CAPN14: variants seen among roughly 807,000 people sequenced by gnomAD.
CAPN14 encodes the protein calpain-14.
CAPN14 carries 94 observed loss-of-function variants against 101.3 expected under a neutral mutation model. The ratio of observed to expected loss-of-function variants is 0.93; its 90% CI spans 0.79 to 1.10. The LOEUF is 1.10. Among genes scored for constraint, CAPN14 ranks in the 50% least tolerant of loss-of-function variants. The pLI, the probability that CAPN14 is intolerant of heterozygous loss-of-function variation, is 0.00. For missense variants in CAPN14, 837 were observed against 828.4 expected (o/e 1.01, Z -0.13); for synonymous variants, 338 against 317.9 (o/e 1.06, Z -0.67).
At chr2:31,189,517 G>A in intron 12 of CAPN14, 39 bp from the exon 13 acceptor site, 1 of 1,509,008 alleles carries the variant, frequency 6.6e-7, no homozygotes, top group Non-Finnish European at 9.0e-7. Flanking sequence ...GGGAGGTGAT[G>A]ACCCAGGGCT....
At chr2:31,208,757 G>C (rs1284296552) in intron 1 of CAPN14, among the ~76,000 whole-genome samples, 1 of 152,172 alleles carries the variant, frequency 6.6e-6, no homozygotes, top group Admixed American at 6.5e-5. Context: ...GATGGGTCTA[G>C]GTCACATTTG....
At chr2:31,193,395 C>A (rs1681308098) in intron 9 of CAPN14, 101 bp from the exon 10 acceptor site, 3 of 1,169,740 alleles carry the variant, frequency 2.6e-6, no homozygotes, top group African/African-American at 3.1e-5. Context: ...CATCCCAGCC[C>A]TCTCATGGAC....
At chr2:31,204,837 A>C (rs1681987370) in intron 2 of CAPN14, among the ~76,000 whole-genome samples, 1 of 152,178 alleles carries the variant, frequency 6.6e-6, no homozygotes, top group South Asian at 2.1e-4. Flanking sequence ...CAAATTAATC[A>C]AACCCAAGGA....
intron 2 of CAPN14, among the ~76,000 whole-genome samples, chr2:31,203,428 G>A (rs1368348443): frequency 6.6e-6 from 1 of 152,074 alleles, no homozygotes; most frequent in Non-Finnish European, 1.5e-5. Context: ...ATTAAAAATG[G>A]AAACACTTTT....
intron 21 of CAPN14, among the ~76,000 whole-genome samples, chr2:31,175,737 A>T (rs564346233): frequency 1.3e-5 from 2 of 152,228 alleles, no homozygotes; most frequent in Non-Finnish European, 2.9e-5. Flanking sequence ...AAGCAATTCC[A>T]TAAAATGGAC....
chr2:31,191,246 C>G (rs561283571), intron 12 of CAPN14, among the ~76,000 whole-genome samples, 153 bp downstream of exon 12: 2 of 152,186 alleles, frequency 1.3e-5, no homozygotes, highest in East Asian at 3.9e-4. Flanking sequence ...CTTTCATATA[C>G]ACACAGGCAG....
chr2:31,193,341 C>T, intron 9 of CAPN14, 47 bp from the exon 10 acceptor site: 2 of 1,534,592 alleles, frequency 1.3e-6, no homozygotes, highest in South Asian at 2.4e-5. Context: ...CCAGATAACG[C>T]CTAGTTATCA....
intron 1 of CAPN14, among the ~76,000 whole-genome samples, chr2:31,214,708 C>CA (rs909388146): frequency 3.9e-5 from 6 of 152,130 alleles, no homozygotes; most frequent in Non-Finnish European, 7.4e-5. Context: ...TGCATAGTCA[C>CA]AAATCTTTGC....
In CAPN14 at chr2:31,197,240, A is replaced by C. The variant is rs1681511754; in HGVS notation, c.875+9T>G. 1 of 1,547,130 alleles carries C rather than the reference A, an allele frequency of 6.5e-7. No individual in the cohort carries two copies. Among genetic ancestry groups the C allele is most frequent in the Admixed American group, 2.0e-5 (1 of 50,980 alleles). Reference sequence around the variant, plus strand: ...GTTCTCACCCCTCCAAGATGTCCCCAAAGTTCACCTGTCACTCCAGTCTCC... The same window carrying C: ...GTTCTCACCCCTCCAAGATGTCCCCCAAGTTCACCTGTCACTCCAGTCTCC... On this transcript the variant is annotated intron_variant, in intron 8 of 21. Coordinates refer to ENST00000403897, the MANE Select transcript of CAPN14 (RefSeq NM_001145122.2).
In CAPN14 at chr2:31,187,806, T is replaced by G; in HGVS notation, c.1539A>C (p.Glu513Asp). Residue 513 changes from glutamate to aspartate, a missense_variant, in exon 15 of 22, where the codon GAA becomes GAC. By Grantham distance (45) the Glu-to-Asp change is conservative. Coordinates refer to ENST00000403897, the MANE Select transcript of CAPN14 (RefSeq NM_001145122.2). The stretch of plus-strand genomic sequence containing the variant: ...ATTCATCCTGCCTTTCATTTTGGTC[T>G]TCTATCTCCTATAGGAAGAGACACA... ...NSGVVFSKEI[E>D]DQNERQDEFF... 1 of 1,550,960 alleles carries G rather than the reference T, an allele frequency of 6.4e-7. No homozygotes were observed. Among genetic ancestry groups the G allele is most frequent in the African/African-American group, 1.4e-5 (1 of 73,120 alleles).
upstream of CAPN14, among the ~76,000 whole-genome samples, chr2:31,217,843 C>T (rs1008554289): frequency 6.6e-6 from 1 of 152,182 alleles, no homozygotes; most frequent in Non-Finnish European, 1.5e-5. Context: ...GCTCACCTCC[C>T]CACAACTCCC....
chr2:31,224,017 A>G (rs1326192242), intron 2 of CAPN14, among the ~76,000 whole-genome samples: 1 of 152,204 alleles, frequency 6.6e-6, no homozygotes, highest in Non-Finnish European at 1.5e-5. Flanking sequence ...TTTCGCAACT[A>G]CATCTCAGTA....
At chr2:31,182,883 T>C (rs1467631139) in intron 16 of CAPN14, among the ~76,000 whole-genome samples, 6 of 151,306 alleles carry the variant, frequency 4.0e-5, no homozygotes, top group African/African-American at 1.5e-4. Flanking sequence ...GCCAAGTCAA[T>C]CCTAAGCCAA....
At chr2:31,213,259 T>C (rs1057424427) in intron 1 of CAPN14, among the ~76,000 whole-genome samples, 1 of 152,252 alleles carries the variant, frequency 6.6e-6, no homozygotes, top group Non-Finnish European at 1.5e-5. Context: ...TGACATGTAC[T>C]GTGCCTACTC....
chr2:31,225,936 A>C (rs1233226186), intron 2 of CAPN14, among the ~76,000 whole-genome samples: 1 of 152,196 alleles, frequency 6.6e-6, no homozygotes, highest in African/African-American at 2.4e-5. Flanking sequence ...AGAATATCTA[A>C]GAAATTTTAA....
chr2:31,228,781 A>G (rs866161911), intron 1 of CAPN14, among the ~76,000 whole-genome samples: 3 of 152,196 alleles, frequency 2.0e-5, no homozygotes, highest in South Asian at 2.1e-4. Flanking sequence ...TGCTATTGCC[A>G]TCTTTATTTC....
intron 2 of CAPN14, among the ~76,000 whole-genome samples, chr2:31,223,257 A>AT (rs2148707061): frequency 6.6e-6 from 1 of 152,372 alleles, no homozygotes; most frequent in Non-Finnish European, 1.5e-5. Flanking sequence ...CAAGTGGGCA[A>AT]TACCACGGTA....
At chr2:31,221,108 ATATTTT>A (rs1244817956), upstream of CAPN14, among the ~76,000 whole-genome samples, 4 of 152,242 alleles carry the variant, frequency 2.6e-5, no homozygotes, top group Non-Finnish European at 5.9e-5. Context: ...CACATTCACA[ATATTTT>A]TAGAATGTCA....
intron 6 of CAPN14, 95 bp downstream of exon 6, chr2:31,200,356 G>A (rs1359240575): frequency 3.5e-6 from 4 of 1,144,216 alleles, no homozygotes; most frequent in Non-Finnish European, 4.9e-6. Context: ...CTGGGTGGAG[G>A]CCCTGAGCCC....
Sources: gnomAD v4.1 joint callset for allele counts (sites outside exome capture counted in the v4.1 genomes callset) on GRCh38, gnomAD v4.1.1 for gene constraint, MANE v1.5 for transcripts, NCBI Gene and HGNC (gene_info 2026-07-23, HGNC 2026-07-21) for gene names.